The following TSPAN12 variants were observed in gnomAD, a reference collection of about 807,000 sequenced individuals.
The protein encoded by TSPAN12 is tetraspanin 12.
Under a neutral mutation model 39.2 loss-of-function variants are expected in TSPAN12, and 19 were observed. The ratio of observed to expected loss-of-function variants is 0.49; its 90% confidence interval spans 0.34 to 0.71. TSPAN12 has a LOEUF of 0.71. Ranked by LOEUF, TSPAN12 falls within the 30% of genes least tolerant of loss-of-function variation. TSPAN12 has a pLI of 0.01. For synonymous variants in TSPAN12, 119 were observed against 124.8 expected, an observed-to-expected ratio of 0.95 and a Z score of 0.31; for missense variants, 314 against 359.9, an observed-to-expected ratio of 0.87 and a Z score of 1.03.
intron 2 of TSPAN12, among the ~76,000 whole-genome samples, chr7:120,853,163 TG>T: frequency 6.6e-6 from 1 of 151,732 alleles, no homozygotes; most frequent in East Asian, 1.9e-4. Flanking sequence ...GGGCAATCTC[TG>T]CTAACTGCAA....
At chr7:120,838,934 A>T (rs763075900) in intron 3 of TSPAN12, 22 bp from the exon 4 acceptor site, 1 of 1,612,858 alleles carries the variant, frequency 6.2e-7, no homozygotes, top group Admixed American at 1.7e-5. Flanking sequence ...AAAATAATGT[A>T]TTAGAAAGAA....
chr7:120,856,385 C>A (rs1226778905), intron 2 of TSPAN12, among the ~76,000 whole-genome samples: 1 of 152,098 alleles, frequency 6.6e-6, no homozygotes, highest in African/African-American at 2.4e-5. Flanking sequence ...CAAGCAGTTC[C>A]CTAAGTAGTA....
chr7:120,789,220 T>C (rs1226620092), intron 7 of TSPAN12, among the ~76,000 whole-genome samples: 1 of 152,116 alleles, frequency 6.6e-6, no homozygotes, highest in Non-Finnish European at 1.5e-5. Context: ...GAGAGACAGA[T>C]AGTAAATATT....
intron 5 of TSPAN12, among the ~76,000 whole-genome samples, chr7:120,811,666 T>C (rs986265592): frequency 7.1e-6 from 1 of 140,928 alleles, no homozygotes; most frequent in Non-Finnish European, 1.5e-5. Flanking sequence ...CGAGACTCGG[T>C]CTCAAAAAAA....
chr7:120,808,364 A>C (rs1243349728), intron 6 of TSPAN12, among the ~76,000 whole-genome samples: 1 of 152,178 alleles, frequency 6.6e-6, no homozygotes, highest in Non-Finnish European at 1.5e-5. Context: ...TTATTCTGAA[A>C]CTTTTTCTGA....
At chr7:120,824,335 G>A (rs375274978) in intron 4 of TSPAN12, among the ~76,000 whole-genome samples, 4 of 151,470 alleles carry the variant, frequency 2.6e-5, no homozygotes, top group Non-Finnish European at 2.9e-5. Flanking sequence ...CCAGCAACTC[G>A]AGAGGCTGAG....
At chr7:120,797,682 C>CA (rs1484298640) in intron 7 of TSPAN12, among the ~76,000 whole-genome samples, 1 of 152,226 alleles carries the variant, frequency 6.6e-6, no homozygotes, top group Admixed American at 6.5e-5. Context: ...TCCTCACTGT[C>CA]AGAGTCCAAA....
At chr7:120,827,801 A>G (rs1794317605) in intron 4 of TSPAN12, among the ~76,000 whole-genome samples, 1 of 152,202 alleles carries the variant, frequency 6.6e-6, no homozygotes, top group South Asian at 2.1e-4. Flanking sequence ...AAGCAGTTCT[A>G]CCACAGTCCA....
intron 4 of TSPAN12, among the ~76,000 whole-genome samples, chr7:120,835,821 T>C (rs1794464725): frequency 6.6e-6 from 1 of 152,202 alleles, no homozygotes; most frequent in South Asian, 2.1e-4. Context: ...GCTAGTAATA[T>C]TTAAATGAAA....
chr7:120,830,037 C>T (rs1794361944), intron 4 of TSPAN12, among the ~76,000 whole-genome samples: 1 of 152,088 alleles, frequency 6.6e-6, no homozygotes, highest in Non-Finnish European at 1.5e-5. Context: ...CATCTGCTGA[C>T]ATACTTTCAT....
intron 4 of TSPAN12, among the ~76,000 whole-genome samples, chr7:120,837,456 T>A (rs2116462132): frequency 6.6e-6 from 1 of 151,868 alleles, no homozygotes; most frequent in Admixed American, 6.6e-5. Flanking sequence ...GGACTACAGG[T>A]GCCCGCCAAC....
At chr7:120,813,595 C>T (rs1794023120) in intron 5 of TSPAN12, among the ~76,000 whole-genome samples, 1 of 152,154 alleles carries the variant, frequency 6.6e-6, no homozygotes, top group Non-Finnish European at 1.5e-5. Flanking sequence ...CATATATACT[C>T]TAATGCCCAT....
At position 120,856,841 on chromosome 7, in the gene TSPAN12, G is replaced by A; in HGVS notation, c.-70-8C>T. On this transcript the variant is annotated splice_region_variant and splice_polypyrimidine_tract_variant and intron_variant, in intron 1 of 7. Coordinates refer to ENST00000222747, the MANE Select transcript of TSPAN12 (RefSeq NM_012338.4). ...GGGCAAAACGGCAGCGATCTGCAGG[G>A]GGCGGGGGAGAGAGAACACGGGACA... The A allele has an allele frequency of 2.7e-6, 4 of 1,485,570 alleles. No individual in the cohort carries two copies. The highest frequency in any genetic ancestry group is 3.8e-6 in the Non-Finnish European group (4 of 1,064,628). The allele number at this position is 1,485,570 out of a possible 1,614,324, so 92.0% of individuals were successfully genotyped here.
chr7:120,856,652 C>A (rs768520486), intron 2 of TSPAN12, 46 bp downstream of exon 2: 27 of 1,602,744 alleles, frequency 1.7e-5, no homozygotes, highest in Non-Finnish European at 2.3e-5. Flanking sequence ...CTGCAGAAAA[C>A]CAGAGCCAGC....
At chr7:120,800,063 T>C (rs962790241) in intron 7 of TSPAN12, among the ~76,000 whole-genome samples, 1 of 151,736 alleles carries the variant, frequency 6.6e-6, no homozygotes, top group African/African-American at 2.4e-5. Flanking sequence ...ACAAAAAGTG[T>C]TGAGAACTAA....
At position 120,819,980 on chromosome 7, in the gene TSPAN12, G is replaced by A. The variant is rs1046969148; in HGVS notation, c.286-4177C>T. ...CTGCTGAGCTGTGTTGTGATATGAA[G>A]TGTACATCCCTATCAATGTCACTAC... On this transcript the variant is annotated intron_variant, in intron 4 of 7. Transcript: ENST00000222747. Among the ~76,000 whole-genome samples the A allele has an allele frequency of 2.1e-4, 32 of 152,234 alleles. 1 individual carries two copies. Among genetic ancestry groups the A allele is most frequent in the African/African-American group, 7.7e-4 (32 of 41,546 alleles).
In TSPAN12 at chr7:120,791,936, G is replaced by C. The variant is rs73721468; in HGVS notation, c.613-3039C>G. Among the ~76,000 whole-genome samples, 980 of 152,160 alleles carry C rather than the reference G, an allele frequency of 6.4e-3. 13 individuals carry two copies. Among genetic ancestry groups the C allele is most frequent in the African/African-American group, 0.022 (927 of 41,508 alleles). On this transcript the variant is annotated intron_variant, in intron 7 of 7. Coordinates refer to ENST00000222747, the MANE Select transcript of TSPAN12 (RefSeq NM_012338.4). The stretch of plus-strand genomic sequence containing the variant: ...TGACATAGCAAAACTGGCATGGGAA[G>C]GACCTCCAAAGAATCTCTACTCATA...
At chr7:120,855,668 T>G (rs1794856583) in intron 2 of TSPAN12, among the ~76,000 whole-genome samples, 2 of 152,190 alleles carry the variant, frequency 1.3e-5, no homozygotes, top group African/African-American at 4.8e-5. Flanking sequence ...TATTTTCAGA[T>G]TACTCACTGA....
chr7:120,825,310 G>A (rs972899167), intron 4 of TSPAN12, among the ~76,000 whole-genome samples: 1 of 152,066 alleles, frequency 6.6e-6, no homozygotes, highest in African/African-American at 2.4e-5. Flanking sequence ...AACTCAGACG[G>A]TTTTTTCATG....
Sources: allele counts gnomAD v4.1 joint callset (sites outside exome capture counted in the v4.1 genomes callset), GRCh38; gene constraint gnomAD v4.1.1; transcripts MANE v1.5; gene names NCBI Gene and HGNC (gene_info 2026-07-23, HGNC 2026-07-21).